KCNIP4: variants seen among roughly 807,000 people sequenced by gnomAD.
KCNIP4 encodes the protein potassium voltage-gated channel interacting protein 4.
KCNIP4 carries 12 observed loss-of-function variants against 34.0 expected under a neutral mutation model. The observed-to-expected ratio is 0.35, with a 90% CI of 0.23 to 0.57. The LOEUF is 0.57. Among genes scored for constraint, KCNIP4 ranks in the 20% least tolerant of loss-of-function variants. KCNIP4 has a pLI of 0.83. For synonymous variants in KCNIP4, 124 were observed against 102.2 expected, an observed-to-expected ratio of 1.21 and a Z score of -1.29; for missense variants, 238 against 311.7, an observed-to-expected ratio of 0.76 and a Z score of 1.78.
intron 3 of KCNIP4, among the ~76,000 whole-genome samples, chr4:20,829,364 T>C (rs976438358): frequency 6.6e-6 from 1 of 152,022 alleles, no homozygotes; most frequent in African/African-American, 2.4e-5. Flanking sequence ...CCTGCCACCA[T>C]GCCTGGCTAA....
intron 1 of KCNIP4, chr4:21,851,996 A>ATGTGTGTGTGTGTGTG (rs930861529): frequency 1.2e-3 from 13 of 10,594 alleles, no homozygotes; most frequent in Admixed American, 2.2e-3. Context: ...TTCAATTAAT[A>ATGTGTGTGTGTGTGTG]TGTGTGTGTG....
At chr4:21,266,112 G>A (rs752873384) in intron 1 of KCNIP4, among the ~76,000 whole-genome samples, 5 of 152,170 alleles carry the variant, frequency 3.3e-5, no homozygotes, top group Non-Finnish European at 5.9e-5. Context: ...TAAATGTCAA[G>A]AGGTAGAGCA....
chr4:20,962,555 A>C (rs1228178954), intron 1 of KCNIP4, among the ~76,000 whole-genome samples: 3 of 152,202 alleles, frequency 2.0e-5, no homozygotes, highest in African/African-American at 7.2e-5. Context: ...AGGTATACAT[A>C]CAGACATCAC....
chr4:21,212,055 G>C (rs1272147684), intron 1 of KCNIP4, among the ~76,000 whole-genome samples: 4 of 152,188 alleles, frequency 2.6e-5, no homozygotes, highest in East Asian at 3.9e-4. Context: ...CAGCATGCCT[G>C]TTCCATAAAT....
chr4:21,516,468 A>G (rs1398603998), intron 1 of KCNIP4, among the ~76,000 whole-genome samples: 2 of 152,158 alleles, frequency 1.3e-5, no homozygotes, highest in Non-Finnish European at 2.9e-5. Flanking sequence ...GAGAGACAAG[A>G]TTGGTGGATG....
At chr4:21,795,508 C>T (rs772837024) in intron 1 of KCNIP4, among the ~76,000 whole-genome samples, 26 of 152,148 alleles carry the variant, frequency 1.7e-4, no homozygotes, top group Non-Finnish European at 2.9e-4. Flanking sequence ...TTTTCAGACA[C>T]GGAAAAATTT....
Position 20,775,373 on chromosome 4 carries a change from C to T in KCNIP4, c.289-16483G>A, listed in dbSNP as rs576541886. On this transcript the variant is annotated intron_variant, in intron 3 of 8. Coordinates refer to ENST00000382152, the MANE Select transcript of KCNIP4 (RefSeq NM_025221.6). ...ATGAACTTGTATGTAGGAGTTACTT[C>T]TGCATGTTTCTTTGCTTTTGCTAAT... 2.0e-5 allele frequency among the ~76,000 whole-genome samples: 3 copies of T among 152,148 alleles called. No homozygotes were observed. In the East Asian group the frequency reaches 5.8e-4, roughly 29 times the overall value.
intron 3 of KCNIP4, among the ~76,000 whole-genome samples, chr4:20,763,301 A>G (rs1578560194): frequency 6.6e-6 from 1 of 152,210 alleles, no homozygotes; most frequent in East Asian, 1.9e-4. Context: ...TGTATAACAC[A>G]GTTAAAAACC....
chr4:20,758,178 G>T (rs1754642750), intron 4 of KCNIP4, among the ~76,000 whole-genome samples: 1 of 152,144 alleles, frequency 6.6e-6, no homozygotes, highest in Non-Finnish European at 1.5e-5. Context: ...CCAATGGCAA[G>T]AATATCTTTT....
chr4:20,806,481 A>G (rs1313386076), intron 3 of KCNIP4, among the ~76,000 whole-genome samples: 1 of 151,812 alleles, frequency 6.6e-6, no homozygotes, highest in Non-Finnish European at 1.5e-5. Flanking sequence ...TCTTTTCAGG[A>G]TACTTTGCCA....
intron 1 of KCNIP4, among the ~76,000 whole-genome samples, chr4:21,442,441 A>C (rs1487487760): frequency 1.3e-5 from 2 of 152,130 alleles, no homozygotes; most frequent in East Asian, 3.9e-4. Flanking sequence ...TCATCTCCTC[A>C]TATTCTACCT....
chr4:21,716,485 C>T (rs1714391518), intron 1 of KCNIP4, among the ~76,000 whole-genome samples: 1 of 152,014 alleles, frequency 6.6e-6, no homozygotes, highest in Non-Finnish European at 1.5e-5. Context: ...TAATCGCCCA[C>T]CTTGACCTCC....
chr4:21,924,319 C>T (rs1729113025), intron 1 of KCNIP4, among the ~76,000 whole-genome samples: 1 of 149,766 alleles, frequency 6.7e-6, no homozygotes, highest in Non-Finnish European at 1.5e-5. Context: ...TCTCGGCTCA[C>T]CGCAAGCTCT....
intron 1 of KCNIP4, among the ~76,000 whole-genome samples, chr4:21,946,603 A>G (rs1266294623): frequency 6.6e-6 from 1 of 152,230 alleles, no homozygotes; most frequent in Non-Finnish European, 1.5e-5. Context: ...TTTGGGGATC[A>G]TTCTCTAATA....
intron 2 of KCNIP4, among the ~76,000 whole-genome samples, chr4:20,873,529 C>T (rs926842224): frequency 1.1e-4 from 16 of 152,114 alleles, no homozygotes; most frequent in Non-Finnish European, 2.1e-4. Context: ...TTCATTGATT[C>T]AGAAGCCAAT....
intron 1 of KCNIP4, among the ~76,000 whole-genome samples, chr4:21,470,367 A>G (rs1730356283): frequency 6.6e-6 from 1 of 152,188 alleles, no homozygotes; most frequent in Admixed American, 6.5e-5. Context: ...GAGGCAGGGA[A>G]GAAAATGCAA....
intron 1 of KCNIP4, among the ~76,000 whole-genome samples, chr4:21,524,844 A>C (rs1187110265): frequency 6.6e-6 from 1 of 152,172 alleles, no homozygotes; most frequent in Non-Finnish European, 1.5e-5. Flanking sequence ...CATAACAGGA[A>C]GTCAATAAAT....
At chr4:21,912,268 TTA>T (rs1025997531) in intron 1 of KCNIP4, among the ~76,000 whole-genome samples, 2 of 152,172 alleles carry the variant, frequency 1.3e-5, no homozygotes, top group African/African-American at 4.8e-5. Flanking sequence ...AAGGGGTTTA[TTA>T]TATAGTCAGG....
chr4:20,937,982 T>G (rs572263632), intron 1 of KCNIP4, among the ~76,000 whole-genome samples: 2 of 152,314 alleles, frequency 1.3e-5, no homozygotes, highest in East Asian at 3.9e-4. Context: ...CTTTAGAGAT[T>G]CTAGAATAGG....
Sources: allele counts gnomAD v4.1 joint callset (sites outside exome capture counted in the v4.1 genomes callset), GRCh38; gene constraint gnomAD v4.1.1; transcripts MANE v1.5; gene names NCBI Gene and HGNC (gene_info 2026-07-23, HGNC 2026-07-21).